The following PLCG2 variants were observed in gnomAD, a reference collection of about 807,000 sequenced individuals.
The protein encoded by PLCG2 is phospholipase C gamma 2.
PLCG2 carries 69 observed loss-of-function variants against 175.6 expected under a neutral mutation model. The ratio of observed to expected loss-of-function variants is 0.39; its 90% CI spans 0.32 to 0.48. The LOEUF is 0.48. PLCG2 is among the 20% of genes least tolerant of loss of function. The pLI is 0.91. For missense variants in PLCG2, 1,798 were observed against 1,650.9 expected, an observed-to-expected ratio of 1.09 and a Z score of -1.54; for synonymous variants, 827 against 624.0, an observed-to-expected ratio of 1.33 and a Z score of -4.85.
chr16:81,813,908 C>G (rs1904427192), intron 2 of PLCG2, among the ~76,000 whole-genome samples: 4 of 152,220 alleles, frequency 2.6e-5, no homozygotes, highest in Admixed American at 2.0e-4. Flanking sequence ...AAGGCCAGCC[C>G]TGACACAGGG....
At chr16:81,882,224 G>C (rs928423146) in intron 8 of PLCG2, among the ~76,000 whole-genome samples, 1 of 152,198 alleles carries the variant, frequency 6.6e-6, no homozygotes, top group Non-Finnish European at 1.5e-5. Flanking sequence ...GGGGTGGCTC[G>C]TGCTGGCCCA....
chr16:81,893,961 C>CTTTTT (rs74264894), intron 12 of PLCG2, among the ~76,000 whole-genome samples, 167 bp downstream of exon 12: 2 of 134,590 alleles, frequency 1.5e-5, no homozygotes, highest in African/African-American at 2.8e-5. Context: ...TTTTTTCTTT[C>CTTTTT]TTTTTTTTTT....
At chr16:81,801,472 A>G (rs762409609) in intron 2 of PLCG2, among the ~76,000 whole-genome samples, 2 of 152,148 alleles carry the variant, frequency 1.3e-5, no homozygotes, top group Non-Finnish European at 2.9e-5. Flanking sequence ...GCTTTATTTT[A>G]ACATCCATGA....
At chr16:81,828,976 A>C (rs1439261234) in intron 2 of PLCG2, among the ~76,000 whole-genome samples, 2 of 152,308 alleles carry the variant, frequency 1.3e-5, no homozygotes, top group East Asian at 3.9e-4. Context: ...CATTCTCTCA[A>C]ACATTGCTAG....
chr16:81,880,945 C>A lies in PLCG2; in HGVS notation c.684C>A (p.Phe228Leu). ...LDEFKKDSSV[F>L]ILGNTDRPDA... ...AATTCAAAAAGGATTCGTCCGTGTT[C>A]ATCCTGGGGTGAGGCAGCTCTTGTG... The change falls in exon 8 of 33, where the codon TTC (phenylalanine) becomes TTA (leucine). Residue 228 changes from phenylalanine to leucine, a missense_variant. Phe to Leu is a conservative substitution (Grantham distance 22, BLOSUM62 0). Coordinates refer to ENST00000564138, the MANE Select transcript of PLCG2 (RefSeq NM_002661.5). The A allele has an allele frequency of 6.2e-7, 1 of 1,614,168 alleles. No homozygotes were observed. Among genetic ancestry groups the A allele is most frequent in the South Asian group, 1.1e-5 (1 of 91,080 alleles).
intron 2 of PLCG2, among the ~76,000 whole-genome samples, chr16:81,765,481 A>G (rs1334071523): frequency 6.6e-6 from 1 of 152,292 alleles, no homozygotes; most frequent in South Asian, 2.1e-4. Flanking sequence ...AAATACAAAA[A>G]TTAGCTGGGC....
chr16:81,820,852 G>A (rs1170175985), intron 2 of PLCG2, among the ~76,000 whole-genome samples: 11 of 148,840 alleles, frequency 7.4e-5, no homozygotes, highest in African/African-American at 2.3e-4. Flanking sequence ...AACTCCTGAC[G>A]TCAAATGATC....
intron 2 of PLCG2, among the ~76,000 whole-genome samples, chr16:81,805,773 T>TTTG (rs1911987563): frequency 6.9e-5 from 7 of 100,852 alleles, no homozygotes; most frequent in African/African-American, 1.1e-4. Context: ...TTTTGTTTTT[T>TTTG]TTTTTTTTTG....
Position 81,899,289 on chromosome 16 carries a change from T to TATATACACACACACAC in PLCG2, c.1194-1322_1194-1321insTATACACACACACACA, listed in dbSNP as rs908648451. Among the ~76,000 whole-genome samples, 128 of 92,460 alleles carry TATATACACACACACAC rather than the reference T, an allele frequency of 1.4e-3. 1 individual carries two copies. The highest frequency in any genetic ancestry group is 4.7e-3 in the African/African-American group (124 of 26,536). The allele number at this position is 92,460 out of a possible 152,430, so 60.7% of individuals were successfully genotyped here. A position where few individuals can be genotyped will look rare whatever the true frequency, so the allele number is the denominator to read the frequency against. The stretch of plus-strand genomic sequence containing the variant: ...ATGTGTGTATATATATATATATATA[T>TATATACACACACACAC]ACACACACACACACATAAATATATA... On this transcript the variant is annotated intron_variant, in intron 13 of 32. Transcript: ENST00000564138.
At chr16:81,935,696 C>T (rs937589877) in intron 26 of PLCG2, 78 of 985,214 alleles carry the variant, frequency 7.9e-5, no homozygotes, top group Non-Finnish European at 9.2e-5. Flanking sequence ...CTGTCCCCTT[C>T]CCTCTCCTCC....
At chr16:81,884,297 GC>G (rs1908243461) in intron 9 of PLCG2, among the ~76,000 whole-genome samples, 1 of 152,096 alleles carries the variant, frequency 6.6e-6, no homozygotes, top group Admixed American at 6.6e-5. Context: ...GTTGCAGTGA[GC>G]CGAGATTGCG....
At chr16:81,953,376 G>A (rs1911444048) in intron 31 of PLCG2, among the ~76,000 whole-genome samples, 2 of 152,194 alleles carry the variant, frequency 1.3e-5, no homozygotes, top group Non-Finnish European at 2.9e-5. Flanking sequence ...AGTCTAGGTG[G>A]TTGGGGTATG....
intron 31 of PLCG2, 98 bp from the exon 32 acceptor site, chr16:81,956,597 C>T: frequency 2.8e-6 from 3 of 1,065,260 alleles, no homozygotes; most frequent in Non-Finnish European, 4.1e-6. Flanking sequence ...AACTTCTGCC[C>T]CATGCTCCCT....
chr16:81,942,865 G>C (rs1911002986), intron 30 of PLCG2, among the ~76,000 whole-genome samples: 1 of 150,672 alleles, frequency 6.6e-6, no homozygotes, highest in Non-Finnish European at 1.5e-5. Flanking sequence ...AAAGGTGTCT[G>C]TATTTCCCTT....
At chr16:81,786,542 A>G (rs1314895621) in intron 2 of PLCG2, among the ~76,000 whole-genome samples, 1 of 152,214 alleles carries the variant, frequency 6.6e-6, no homozygotes, top group African/African-American at 2.4e-5. Flanking sequence ...AATTAGCCCA[A>G]GCCTGCAGAA....
intron 5 of PLCG2, among the ~76,000 whole-genome samples, chr16:81,860,175 T>TTATTATTA (rs1567503036): frequency 0.026 from 2,356 of 89,202 alleles, 18 homozygotes; most frequent in Middle Eastern, 0.093. Context: ...TATTATTATT[T>TTATTATTA]TTTTTTTTTT....
chr16:81,841,340 C>T (rs1032401611), intron 2 of PLCG2, among the ~76,000 whole-genome samples: 25 of 151,954 alleles, frequency 1.6e-4, no homozygotes, highest in Non-Finnish European at 2.5e-4. Flanking sequence ...GGGCTCAAGC[C>T]GTTCTTCTCA....
chr16:81,822,761 C>CAA (rs59970301), intron 2 of PLCG2, among the ~76,000 whole-genome samples: 1 of 69,844 alleles, frequency 1.4e-5, no homozygotes, highest in Non-Finnish European at 2.4e-5. Flanking sequence ...GACTCCATCT[C>CAA]AAAAAAAAAA....
intron 5 of PLCG2, among the ~76,000 whole-genome samples, chr16:81,862,053 C>G (rs866922077): frequency 6.6e-6 from 1 of 152,216 alleles, no homozygotes; most frequent in Non-Finnish European, 1.5e-5. Context: ...TTCTGGGAAG[C>G]CTGGAGGGAG....
Sources: gnomAD v4.1 joint callset for allele counts (sites outside exome capture counted in the v4.1 genomes callset) on GRCh38, gnomAD v4.1.1 for gene constraint, MANE v1.5 for transcripts, NCBI Gene and HGNC (gene_info 2026-07-23, HGNC 2026-07-21) for gene names.